The following ATF7IP2 variants were observed in gnomAD, a reference collection of about 807,000 sequenced individuals.
ATF7IP2 encodes the protein activating transcription factor 7 interacting protein 2, also known as activating transcription factor 7-interacting protein 2.
A neutral mutation model predicts 64.2 loss-of-function variants in ATF7IP2; 42 were observed. The ratio of observed to expected loss-of-function variants is 0.65; its 90% CI spans 0.51 to 0.85. The LOEUF (loss-of-function observed/expected upper bound fraction) is 0.85, where lower values mean the gene tolerates loss of function less well. ATF7IP2 is among the 40% of genes least tolerant of loss of function. ATF7IP2 has a pLI of 0.00. For synonymous variants in ATF7IP2, 308 were observed against 272.8 expected, an observed-to-expected ratio of 1.13 and a Z score of -1.27; for missense variants, 933 against 784.2, an observed-to-expected ratio of 1.19 and a Z score of -2.27.
chr16:10,442,453 C>G (rs1311386259), intron 8 of ATF7IP2, among the ~76,000 whole-genome samples: 1 of 152,124 alleles, frequency 6.6e-6, no homozygotes, highest in African/African-American at 2.4e-5. Flanking sequence ...TTTTATTGAA[C>G]TAGTCCATGA....
Position 10,482,575 on chromosome 16 carries a change from T to C in ATF7IP2, c.*326T>C. ...TACAAGCAGCCACTGTTTCCTCCGTTAACAATCAGCTTTTAGTAACCTGCT... is the reference window on the plus strand; with the variant it reads ...TACAAGCAGCCACTGTTTCCTCCGTCAACAATCAGCTTTTAGTAACCTGCT... On this transcript the variant is annotated 3_prime_UTR_variant, in exon 14 of 14. Transcript: ENST00000562102. 1 of 189,026 alleles carries C rather than the reference T, an allele frequency of 5.3e-6. No homozygotes were observed. The highest frequency in any genetic ancestry group is 1.1e-5 in the Non-Finnish European group (1 of 92,970). The allele number at this position is 189,026 out of a possible 1,614,324, so 11.7% of individuals were successfully genotyped here. A position where few individuals can be genotyped will look rare whatever the true frequency, so the allele number is the denominator to read the frequency against.
rs199895490 is a variant in ATF7IP2, at chr16:10,430,764, C to T, written c.144C>T (p.Ser48=). ...CAGCAATTGGGAGTAATGTTCCAAG[C>T]GGTAATCAGAGTTTCAGTCCTAGTG... ...LKTAIGSNVP[S]GNQSFSPSVI... Residue 48 remains serine (S), a synonymous_variant, in exon 5 of 14, where the codon AGC becomes AGT. Coordinates refer to ENST00000562102, the MANE Select transcript of ATF7IP2 (RefSeq NM_001393719.1). 16 of 1,612,022 alleles carry T rather than the reference C, an allele frequency of 9.9e-6. No individual in the cohort carries two copies. Among genetic ancestry groups the T allele is most frequent in the East Asian group, 4.5e-5 (2 of 44,724 alleles).
At chr16:10,440,050 C>T (rs1234444751) in intron 7 of ATF7IP2, among the ~76,000 whole-genome samples, 1 of 151,776 alleles carries the variant, frequency 6.6e-6, no homozygotes, top group African/African-American at 2.4e-5. Flanking sequence ...ATCCTAGCTA[C>T]TTGGGAGGCT....
chr16:10,395,219 A>G (rs986095712), intron 1 of ATF7IP2, among the ~76,000 whole-genome samples: 10 of 152,148 alleles, frequency 6.6e-5, no homozygotes, highest in Non-Finnish European at 1.3e-4. Flanking sequence ...TACTCCATTT[A>G]ATAGATGAAA....
chr16:10,462,719 C>T (rs1024044160), intron 9 of ATF7IP2, among the ~76,000 whole-genome samples: 55 of 152,064 alleles, frequency 3.6e-4, no homozygotes, highest in African/African-American at 1.3e-3. Context: ...TGTGGCCCTT[C>T]TTGAATCTAT....
chr16:10,400,358 T>C (rs2047503634), intron 1 of ATF7IP2, among the ~76,000 whole-genome samples: 1 of 152,200 alleles, frequency 6.6e-6, no homozygotes, highest in Non-Finnish European at 1.5e-5. Flanking sequence ...GATTTTTGCA[T>C]CCTGAAACTT....
chr16:10,417,329 C>T (rs1000928329), intron 2 of ATF7IP2, among the ~76,000 whole-genome samples: 4 of 151,958 alleles, frequency 2.6e-5, no homozygotes, highest in Non-Finnish European at 5.9e-5. Flanking sequence ...ATGCTGCTTA[C>T]CAGAAATGTG....
intron 1 of ATF7IP2, among the ~76,000 whole-genome samples, chr16:10,398,303 C>CAAA (rs370158117): frequency 7.5e-6 from 1 of 134,180 alleles, no homozygotes. Flanking sequence ...GACTCCATCT[C>CAAA]AAAAAAAAAA....
intron 13 of ATF7IP2, 119 bp from the exon 14 acceptor site, chr16:10,481,717 A>G (rs1311416768): frequency 4.6e-6 from 4 of 864,344 alleles, no homozygotes; most frequent in South Asian, 4.0e-5. Context: ...CCAGCCTCAC[A>G]TATTACTGAA....
intron 3 of ATF7IP2, among the ~76,000 whole-genome samples, chr16:10,423,898 C>A (rs560532534): frequency 6.6e-6 from 1 of 152,272 alleles, no homozygotes; most frequent in East Asian, 1.9e-4. Context: ...CAGCGTAGTT[C>A]CATGTTCTCC....
chr16:10,410,247 A>G (rs1247605554), intron 1 of ATF7IP2, among the ~76,000 whole-genome samples: 1 of 152,016 alleles, frequency 6.6e-6, no homozygotes, highest in African/African-American at 2.4e-5. Context: ...TGTGATTTCT[A>G]TCAGCAGTGT....
intron 3 of ATF7IP2, among the ~76,000 whole-genome samples, chr16:10,426,900 T>G (rs982044298): frequency 6.6e-6 from 1 of 152,128 alleles, no homozygotes; most frequent in African/African-American, 2.4e-5. Context: ...TTGTCCAGGC[T>G]GAAGTACAGT....
intron 3 of ATF7IP2, among the ~76,000 whole-genome samples, chr16:10,420,844 G>T (rs533879323): frequency 2.0e-5 from 3 of 152,298 alleles, no homozygotes; most frequent in African/African-American, 7.2e-5. Flanking sequence ...TTGAGCTGAA[G>T]TATAGGGCAT....
At chr16:10,480,046 T>C (rs1182800326) in intron 12 of ATF7IP2, among the ~76,000 whole-genome samples, 1 of 139,114 alleles carries the variant, frequency 7.2e-6, no homozygotes, top group Non-Finnish European at 1.5e-5. Context: ...TAGAATGCAG[T>C]GGCTTGATCT....
intron 1 of ATF7IP2, among the ~76,000 whole-genome samples, chr16:10,390,024 A>G (rs1015131836): frequency 6.6e-6 from 1 of 152,266 alleles, no homozygotes; most frequent in Non-Finnish European, 1.5e-5. Flanking sequence ...CTGACTTTGA[A>G]CAAGATTAGT....
chr16:10,423,027 G>C (rs550429927), intron 3 of ATF7IP2, among the ~76,000 whole-genome samples: 1 of 152,306 alleles, frequency 6.6e-6, no homozygotes, highest in East Asian at 1.9e-4. Context: ...GGCAGATCAC[G>C]AGGTCAGGAG....
chr16:10,444,828 A>G (rs1291361690), intron 8 of ATF7IP2, among the ~76,000 whole-genome samples: 1 of 152,150 alleles, frequency 6.6e-6, no homozygotes, highest in East Asian at 1.9e-4. Context: ...ATCTGAATCA[A>G]TGTTTTTTAT....
At chr16:10,405,499 T>G (rs893654613) in intron 1 of ATF7IP2, among the ~76,000 whole-genome samples, 6 of 152,218 alleles carry the variant, frequency 3.9e-5, no homozygotes, top group African/African-American at 7.2e-5. Context: ...CAGACCTTGG[T>G]CAGAGTGAAA....
rs769615779 is a variant in ATF7IP2 at position 10,481,849 on chromosome 16, T to G, written c.1649T>G (p.Phe550Cys). 3.8e-6 allele frequency: 6 copies of G among 1,590,008 alleles called. No individual in the cohort carries two copies. Among genetic ancestry groups the G allele is most frequent in the South Asian group, 2.3e-5 (2 of 86,190 alleles). Reference protein sequence around the residue: ...AQNAVQVPESFEHLPPLPEPP... With the variant: ...AQNAVQVPESCEHLPPLPEPP... ...TTGTGTTTTTAGGTTCCTGAGTCCT[T>G]TGAGCACCTGCCACCTCTCCCAGAA... is the stretch of plus-strand genomic sequence containing the variant. The change falls in exon 14 of 14, where the codon TTT becomes TGT. Residue 550 changes from phenylalanine to cysteine, a missense_variant. Physicochemically the swap from Phe to Cys is radical, Grantham distance 205 (BLOSUM62 -2). Coordinates refer to ENST00000562102, the MANE Select transcript of ATF7IP2 (RefSeq NM_001393719.1).
Sources: gnomAD v4.1 joint callset for allele counts (sites outside exome capture counted in the v4.1 genomes callset) on GRCh38, gnomAD v4.1.1 for gene constraint, MANE v1.5 for transcripts, NCBI Gene and HGNC (gene_info 2026-07-23, HGNC 2026-07-21) for gene names.